STIMATE: variants seen among roughly 807,000 people sequenced by gnomAD.
The protein encoded by STIMATE is STIM activating enhancer.
A neutral mutation model predicts 36.7 loss-of-function variants in STIMATE; 15 were observed. That is an observed-to-expected ratio of 0.41 (90% CI 0.27 to 0.63). The LOEUF (loss-of-function observed/expected upper bound fraction) is 0.63. Among genes scored for constraint, STIMATE ranks in the 20% least tolerant of loss-of-function variants. STIMATE has a pLI of 0.32. For synonymous variants in STIMATE, 163 were observed against 162.3 expected, an observed-to-expected ratio of 1.00 and a Z score of -0.03; for missense variants, 305 against 397.3, an observed-to-expected ratio of 0.77 and a Z score of 1.98.
intron 1 of STIMATE, among the ~76,000 whole-genome samples, chr3:52,855,649 T>A (rs928458044): frequency 2.0e-5 from 3 of 152,220 alleles, no homozygotes; most frequent in African/African-American, 2.4e-5. Flanking sequence ...TCTTTAGAAC[T>A]GGACACTTAG....
rs144448628 is a variant in STIMATE at position 52,842,826 on chromosome 3, C to T, written c.753G>A (p.Glu251=). The T allele has an allele frequency of 1.4e-5, 22 of 1,614,220 alleles. No homozygotes were observed. The highest frequency in any genetic ancestry group is 1.9e-5 in the Non-Finnish European group (22 of 1,180,036). The part of the protein sequence containing the change: ...KVRYRRAASH[E]ESESEILISA... ...GAGGCCCTACCTCAGACTCAGACTC[C>T]TCGTGGGATGCGGCCCTCCGGTAGC... is the stretch of plus-strand genomic sequence containing the variant. Residue 251 remains glutamate (E), a synonymous_variant, in exon 7 of 8, where the codon GAG becomes GAA. Coordinates refer to ENST00000355083, the MANE Select transcript of STIMATE (RefSeq NM_198563.5).
chr3:52,866,255 C>A (rs945444052), intron 1 of STIMATE, among the ~76,000 whole-genome samples: 1 of 152,276 alleles, frequency 6.6e-6, no homozygotes, highest in African/African-American at 2.4e-5. Flanking sequence ...GGTGTACTAG[C>A]AAACCTTCTC....
chr3:52,865,904 G>A (rs535237245), intron 1 of STIMATE, among the ~76,000 whole-genome samples: 12 of 150,044 alleles, frequency 8.0e-5, no homozygotes, highest in South Asian at 4.3e-4. Flanking sequence ...GTGTAGGGGC[G>A]GTGGGGGGAC....
At chr3:52,895,747 A>G in intron 1 of STIMATE, 2 of 481,826 alleles carry the variant, frequency 4.2e-6, no homozygotes, top group Non-Finnish European at 6.8e-6. Context: ...AAACCTATGG[A>G]AACAGCCAGA....
intron 1 of STIMATE, among the ~76,000 whole-genome samples, chr3:52,860,832 A>G (rs1206752930): frequency 3.3e-5 from 5 of 152,108 alleles, no homozygotes; most frequent in East Asian, 1.9e-4. Context: ...GGGAGTTTAC[A>G]CTGTTCCACG....
chr3:52,878,169 T>A (rs1284642940), intron 1 of STIMATE, among the ~76,000 whole-genome samples: 2 of 151,194 alleles, frequency 1.3e-5, no homozygotes, highest in Admixed American at 1.3e-4. Flanking sequence ...ACAGATAAAG[T>A]CAGACAGCAC....
At chr3:52,878,381 G>A (rs1165814991) in intron 1 of STIMATE, among the ~76,000 whole-genome samples, 4 of 150,962 alleles carry the variant, frequency 2.6e-5, no homozygotes, top group Non-Finnish European at 4.4e-5. Context: ...CTCTGCTCCC[G>A]GGCCTAGGAA....
At chr3:52,880,715 A>G (rs1701588393) in intron 1 of STIMATE, among the ~76,000 whole-genome samples, 1 of 152,228 alleles carries the variant, frequency 6.6e-6, no homozygotes, top group African/African-American at 2.4e-5. Context: ...ACAACTGAGA[A>G]GACCAAAAAT....
At position 52,844,904 on chromosome 3, in the gene STIMATE, G is replaced by T; in HGVS notation, c.465C>A (p.Cys155Ter). ...AAATCATGATCACGATGTAAAGAGC[G>T]CACTGCCCGACCCAGGCTCCACACT... Reference protein sequence around the residue: ...PLQCGAWVGQCALYIVIMIFE... With the variant: ...PLQCGAWVGQ Residue 155 changes from cysteine (C) to a stop codon, truncating the protein, a stop_gained, in exon 5 of 8, where the codon TGC (cysteine) becomes TGA (stop). Transcript: ENST00000355083. LOFTEE classifies it high-confidence loss of function. The T allele has an allele frequency of 6.2e-7, 1 of 1,613,994 alleles. No homozygotes were observed. Among genetic ancestry groups the T allele is most frequent in the Non-Finnish European group, 8.5e-7 (1 of 1,179,964 alleles).
intron 3 of STIMATE, among the ~76,000 whole-genome samples, 192 bp downstream of exon 3, chr3:52,852,411 A>C (rs2106668708): frequency 6.6e-6 from 1 of 152,346 alleles, no homozygotes; most frequent in Admixed American, 6.5e-5. Context: ...AAAGCCCTAC[A>C]AGCCAACTGA....
Position 52,849,915 on chromosome 3 carries a change from T to C in STIMATE, c.306-2A>G. On this transcript the variant is annotated splice_acceptor_variant, in intron 3 of 7. Transcript: ENST00000355083. LOFTEE classifies it high-confidence loss of function. ...TCCAGGAGGAAGTTGATGAGGTACC[T>C]GTGAGGACAGGGCACATGCATGGTC... 1 of 1,613,186 alleles carries C rather than the reference T, an allele frequency of 6.2e-7. No individual in the cohort carries two copies. Among genetic ancestry groups the C allele is most frequent in the Non-Finnish European group, 8.5e-7 (1 of 1,179,622 alleles).
chr3:52,867,272 G>A (rs1701327459), intron 1 of STIMATE, among the ~76,000 whole-genome samples: 1 of 152,124 alleles, frequency 6.6e-6, no homozygotes, highest in Non-Finnish European at 1.5e-5. Flanking sequence ...ATCATCACAG[G>A]CCTCCCAGTG....
intron 4 of STIMATE, chr3:52,846,526 C>T (rs1218056612): frequency 6.6e-6 from 1 of 152,192 alleles, no homozygotes; most frequent in African/African-American, 2.4e-5. Flanking sequence ...GAAGGATGTC[C>T]GCTCGCTCAG....
intron 1 of STIMATE, among the ~76,000 whole-genome samples, chr3:52,878,110 A>G (rs995530029): frequency 6.6e-6 from 1 of 151,998 alleles, no homozygotes; most frequent in African/African-American, 2.4e-5. Flanking sequence ...AAAAAAAAAA[A>G]AAGACAGGTA....
chr3:52,846,882 T>C (rs540805627), intron 4 of STIMATE, among the ~76,000 whole-genome samples: 6 of 152,172 alleles, frequency 3.9e-5, no homozygotes, highest in Non-Finnish European at 8.8e-5. Context: ...CCAGGCAGTG[T>C]TGCATGTCCT....
chr3:52,881,961 TG>T (rs1188422446), intron 1 of STIMATE, among the ~76,000 whole-genome samples: 1 of 152,252 alleles, frequency 6.6e-6, no homozygotes, highest in Non-Finnish European at 1.5e-5. Flanking sequence ...ATGTTAGTTT[TG>T]TACCACTGTG....
At chr3:52,858,778 C>T (rs536505795) in intron 1 of STIMATE, among the ~76,000 whole-genome samples, 10 of 152,278 alleles carry the variant, frequency 6.6e-5, no homozygotes, top group African/African-American at 1.9e-4. Context: ...GCAATACTGT[C>T]GTAACTGAAA....
chr3:52,891,228 A>G lies in STIMATE; in HGVS notation c.160+6063T>C, dbSNP rs1398702231. The stretch of plus-strand genomic sequence containing the variant: ...GGAAAAAGCCGGCAGGCACAGAGGA[A>G]GTGGCTCAGGGTGTCTGGGGTCCCA... On this transcript the variant is annotated intron_variant, in intron 1 of 7. Coordinates refer to ENST00000355083, the MANE Select transcript of STIMATE (RefSeq NM_198563.5). Among the ~76,000 whole-genome samples the G allele has an allele frequency of 2.0e-5, 3 of 152,318 alleles. No homozygotes were observed. The East Asian group carries it at 5.8e-4, about 29-fold the overall frequency.
rs1478149376 is a variant in STIMATE, at chr3:52,840,574, C to A, written c.805G>T (p.Asp269Tyr). The A allele has an allele frequency of 6.2e-7, 1 of 1,613,882 alleles. No individual in the cohort carries two copies. Among genetic ancestry groups the A allele is most frequent in the African/African-American group, 1.3e-5 (1 of 75,002 alleles). The change falls in exon 8 of 8, where the codon GAC (aspartate) becomes TAC (tyrosine). Residue 269 changes from aspartate to tyrosine, a missense_variant. Transcript: ENST00000355083. ...AGTCTGCGGAGGTCCTCCTCCACGTCGGACTCCTCCATCTCATCATCCGCT... is the reference window on the plus strand; with the variant it reads ...AGTCTGCGGAGGTCCTCCTCCACGTAGGACTCCTCCATCTCATCATCCGCT... The part of the protein sequence containing the change: ...ISADDEMEES[D>Y]VEEDLRRLTP...
Sources: allele counts gnomAD v4.1 joint callset (sites outside exome capture counted in the v4.1 genomes callset), GRCh38; gene constraint gnomAD v4.1.1; transcripts MANE v1.5; gene names NCBI Gene and HGNC (gene_info 2026-07-23, HGNC 2026-07-21).